The following ABCC9 variants were observed in gnomAD, a reference collection of about 807,000 sequenced individuals.
The protein encoded by ABCC9 is ATP binding cassette subfamily C member 9, also known as ATP-binding cassette sub-family C member 9.
A neutral mutation model predicts 188.3 loss-of-function variants in ABCC9; 95 were observed. The ratio of observed to expected loss-of-function variants is 0.50; its 90% CI spans 0.43 to 0.60. ABCC9 has a LOEUF of 0.60. Among genes scored for constraint, ABCC9 ranks in the 20% least tolerant of loss-of-function variants. The pLI is 0.00. For synonymous variants in ABCC9, 659 were observed against 652.7 expected (o/e 1.01, Z -0.15); for missense variants, 1,102 against 1,876.3 (o/e 0.59, Z 7.62).
chr12:21,897,198 G>T (rs766476239), intron 12 of ABCC9, among the ~76,000 whole-genome samples: 5 of 152,124 alleles, frequency 3.3e-5, no homozygotes, highest in African/African-American at 4.8e-5. Context: ...TTTCATGTTT[G>T]TTGGCCACAT....
intron 12 of ABCC9, among the ~76,000 whole-genome samples, chr12:21,896,099 A>T (rs147826927): frequency 5.3e-4 from 68 of 127,926 alleles, no homozygotes; most frequent in African/African-American, 5.9e-4. Context: ...TTTTTTTTTT[A>T]CTTTTCTTTT....
rs1436267527 is a variant in ABCC9, at chr12:21,926,021, C to A, written c.327G>T (p.Val109=). The change falls in exon 5 of 40, where the codon GTG becomes GTT. Residue 109 remains valine (V), a synonymous_variant. Transcript: ENST00000261200. ...ATGTTGTAGTGGCAACGAATCCCAT[C>A]ACGGCTGGCATAAAGAGGTGGAGGT... ...SRHLHLFMPA[V]MGFVATTTSI... 5 of 1,614,104 alleles carry A rather than the reference C, an allele frequency of 3.1e-6. No homozygotes were observed. The Admixed American group carries it at 8.3e-5, about 27-fold the overall frequency.
At chr12:21,896,070 T>C (rs1482687463) in intron 12 of ABCC9, among the ~76,000 whole-genome samples, 2 of 140,242 alleles carry the variant, frequency 1.4e-5, no homozygotes, top group Non-Finnish European at 3.0e-5. Context: ...GAAGCTAGAA[T>C]CTAATTTTCT....
At chr12:21,850,403 C>T (rs1944902626) in intron 24 of ABCC9, among the ~76,000 whole-genome samples, 1 of 151,934 alleles carries the variant, frequency 6.6e-6, no homozygotes, top group South Asian at 2.1e-4. Flanking sequence ...CAGTAATCTC[C>T]CTCCATCCTG....
At chr12:21,927,563 G>GT (rs751328861) in intron 4 of ABCC9, among the ~76,000 whole-genome samples, 1 of 152,184 alleles carries the variant, frequency 6.6e-6, no homozygotes, top group Non-Finnish European at 1.5e-5. Context: ...CAATAGAGAA[G>GT]TAGAAGATAA....
chr12:21,824,042 CTA>C (rs1382289300), intron 31 of ABCC9, among the ~76,000 whole-genome samples: 1 of 152,160 alleles, frequency 6.6e-6, no homozygotes, highest in Admixed American at 6.5e-5. Context: ...ATAGGGAAAA[CTA>C]TCTGTGTAGA....
At chr12:21,870,282 G>A (rs1323451031) in intron 18 of ABCC9, among the ~76,000 whole-genome samples, 1 of 151,290 alleles carries the variant, frequency 6.6e-6, no homozygotes, top group Admixed American at 6.6e-5. Flanking sequence ...TAAGAGAAAT[G>A]GTCTCACTCT....
intron 29 of ABCC9, 89 bp downstream of exon 29, chr12:21,842,225 T>G (rs1277197838): frequency 2.7e-6 from 4 of 1,466,622 alleles, no homozygotes; most frequent in Non-Finnish European, 9.3e-7. Flanking sequence ...TTTCCAAATA[T>G]TTTTGATCTG....
At chr12:21,863,847 A>C (rs1442040798) in intron 19 of ABCC9, among the ~76,000 whole-genome samples, 4 of 152,168 alleles carry the variant, frequency 2.6e-5, no homozygotes, top group African/African-American at 9.6e-5. Context: ...GAGCAAGGTT[A>C]AAAAAGAGAG....
intron 4 of ABCC9, among the ~76,000 whole-genome samples, chr12:21,932,965 A>G (rs1160460051): frequency 1.7e-5 from 2 of 114,794 alleles, no homozygotes; most frequent in Non-Finnish European, 3.9e-5. Context: ...CACAATAGCA[A>G]AGACATGGAA....
intron 18 of ABCC9, among the ~76,000 whole-genome samples, chr12:21,865,072 C>A (rs1002766296): frequency 6.6e-6 from 1 of 151,932 alleles, no homozygotes; most frequent in Non-Finnish European, 1.5e-5. Flanking sequence ...ATTTGTTATG[C>A]CTGTATTATG....
At chr12:21,871,785 G>A (rs1208596653) in intron 18 of ABCC9, among the ~76,000 whole-genome samples, 2 of 152,118 alleles carry the variant, frequency 1.3e-5, no homozygotes, top group Admixed American at 1.3e-4. Context: ...ATGCTTCAGT[G>A]TAAAACCAAA....
rs1941341548 is a variant in ABCC9 at position 21,799,707 on chromosome 12, C to T, written c.*1337G>A. 1.3e-5 allele frequency: 2 copies of T among 152,134 alleles called. No homozygotes were observed. Among genetic ancestry groups the T allele is most frequent in the African/African-American group, 4.8e-5 (2 of 41,436 alleles). The allele number at this position is 152,134 out of a possible 1,614,324, so 9.4% of individuals were successfully genotyped here. A position where few individuals can be genotyped will look rare whatever the true frequency, so the allele number is the denominator to read the frequency against. ...ACTATAGGAAAGTGGCATAATTTCTCTTAATTCATCAATTTTATATATCTT... is the reference window on the plus strand; with the variant it reads ...ACTATAGGAAAGTGGCATAATTTCTTTTAATTCATCAATTTTATATATCTT... On this transcript the variant is annotated 3_prime_UTR_variant, in exon 40 of 40. Transcript: ENST00000261200.
chr12:21,928,318 A>AGGAC (rs1949125186), intron 4 of ABCC9, among the ~76,000 whole-genome samples: 2 of 136,896 alleles, frequency 1.5e-5, no homozygotes, highest in African/African-American at 2.8e-5. Context: ...GTGGGAGGGA[A>AGGAC]GGAAGGAAGG....
At chr12:21,824,730 G>C (rs1943262617) in intron 31 of ABCC9, among the ~76,000 whole-genome samples, 1 of 152,134 alleles carries the variant, frequency 6.6e-6, no homozygotes, top group African/African-American at 2.4e-5. Context: ...GAGGGTGTGT[G>C]TGTCCAGAAA....
chr12:21,894,982 A>G (rs1947330860), intron 13 of ABCC9, among the ~76,000 whole-genome samples: 2 of 152,130 alleles, frequency 1.3e-5, no homozygotes, highest in Admixed American at 6.6e-5. Context: ...ACATTTGGCA[A>G]TGTTTTGATT....
At chr12:21,923,807 A>G (rs1158351182) in intron 5 of ABCC9, 2 of 700,236 alleles carry the variant, frequency 2.9e-6, no homozygotes, top group Non-Finnish European at 5.2e-6. Context: ...TATAGCCACA[A>G]AATACTTAAG....
intron 30 of ABCC9, among the ~76,000 whole-genome samples, chr12:21,829,480 C>T (rs996932006): frequency 5.2e-4 from 79 of 152,222 alleles, no homozygotes; most frequent in South Asian, 2.1e-4. Context: ...GGATTACAGG[C>T]GTGTGCCACC....
In ABCC9 at chr12:21,926,239, C is replaced by T. The variant is rs143443733; in HGVS notation, c.285-176G>A. On this transcript the variant is annotated intron_variant, in intron 4 of 39. Coordinates refer to ENST00000261200, the MANE Select transcript of ABCC9 (RefSeq NM_020297.4). ...GAATATATTGAAAGACATCGTTCTG[C>T]GGAAACGATTTATCTTAACATGAAT... 2.7e-3 allele frequency among the ~76,000 whole-genome samples: 417 copies of T among 152,152 alleles called. 1 individual carries two copies. The highest frequency in any genetic ancestry group is 9.7e-3 in the African/African-American group (401 of 41,480).
Sources: allele counts gnomAD v4.1 joint callset (sites outside exome capture counted in the v4.1 genomes callset), GRCh38; gene constraint gnomAD v4.1.1; transcripts MANE v1.5; gene names NCBI Gene and HGNC (gene_info 2026-07-23, HGNC 2026-07-21).